Variants in ISM1 observed in about 807,000 individuals in gnomAD.
The protein encoded by ISM1 is isthmin-1.
Under a neutral mutation model 46.3 loss-of-function variants are expected in ISM1, and 25 were observed. The observed-to-expected ratio is 0.54, with a 90% CI of 0.39 to 0.75. The LOEUF is 0.75. ISM1 is among the 30% of genes least tolerant of loss of function. The pLI is 0.00. For synonymous variants in ISM1, 255 were observed against 256.7 expected (o/e 0.99, Z 0.06); for missense variants, 536 against 625.4 (o/e 0.86, Z 1.52).
chr20:13,287,960 T>G (rs2040311533), intron 3 of ISM1, among the ~76,000 whole-genome samples: 1 of 152,206 alleles, frequency 6.6e-6, no homozygotes, highest in Non-Finnish European at 1.5e-5. Context: ...CCACTGGGAA[T>G]GGCTAGAAGG....
At chr20:13,318,157 A>AAATAAATAAATG in the ISM1 span, among the ~76,000 whole-genome samples, 1 of 151,612 alleles carries the variant, frequency 6.6e-6, no homozygotes, top group Non-Finnish European at 1.5e-5. Flanking sequence ...ATAAATAAAT[A>AAATAAATAAATG]AATAAAAATG....
intron 1 of ISM1, among the ~76,000 whole-genome samples, chr20:13,254,761 AC>A (rs1600512339): frequency 6.6e-6 from 1 of 152,344 alleles, no homozygotes; most frequent in East Asian, 1.9e-4. Flanking sequence ...GCCAGGGAGA[AC>A]TTTTCCACCT....
At chr20:13,320,968 G>C in the ISM1 span, among the ~76,000 whole-genome samples, 4 of 152,066 alleles carry the variant, frequency 2.6e-5, no homozygotes, top group African/African-American at 9.7e-5. Context: ...GGAGGCCGAG[G>C]CTGGTGGATC....
At chr20:13,253,433 T>G (rs565998707) in intron 1 of ISM1, among the ~76,000 whole-genome samples, 1 of 152,348 alleles carries the variant, frequency 6.6e-6, no homozygotes, top group Admixed American at 6.5e-5. Flanking sequence ...AAGATAAAAG[T>G]GCACTCTTTG....
the ISM1 span, among the ~76,000 whole-genome samples, chr20:13,313,075 GTTC>G: frequency 2.0e-5 from 3 of 152,134 alleles, no homozygotes; most frequent in African/African-American, 4.8e-5. Context: ...TCACCAGTCA[GTTC>G]TTCTTTGGGC....
chr20:13,270,644 T>A lies in ISM1; in HGVS notation c.279T>A (p.Pro93=), dbSNP rs766693074. 1.4e-5 allele frequency: 22 copies of A among 1,613,866 alleles called. No homozygotes were observed. Among genetic ancestry groups the A allele is most frequent in the Non-Finnish European group, 1.9e-5 (22 of 1,179,888 alleles). The change falls in exon 2 of 6, where the codon CCT becomes CCA. Residue 93 remains proline, a synonymous_variant. Transcript: ENST00000262487. ...RPRFRQETGH[P]SLQRDFPRSF... ...GATTCCGACAAGAGACGGGGCACCC[T>A]TCATTGCAAAGAGATTTCCCCAGAT...
intron 1 of ISM1, among the ~76,000 whole-genome samples, chr20:13,249,825 GTTTTGTTTT>G (rs1024847948): frequency 2.3e-5 from 3 of 131,226 alleles, no homozygotes; most frequent in African/African-American, 6.2e-5. Context: ...GTTTTGTTTT[GTTTTGTTTT>G]GTTTCCTGGC....
At chr20:13,231,657 A>T (rs2039589562) in intron 1 of ISM1, among the ~76,000 whole-genome samples, 1 of 152,332 alleles carries the variant, frequency 6.6e-6, no homozygotes, top group East Asian at 1.9e-4. Context: ...TGACTCATGC[A>T]CATTTTAGTA....
chr20:13,240,707 T>C (rs911997907), intron 1 of ISM1, among the ~76,000 whole-genome samples: 1 of 152,148 alleles, frequency 6.6e-6, no homozygotes, highest in African/African-American at 2.4e-5. Flanking sequence ...AACATAGATA[T>C]GTTAGAAAAT....
At chr20:13,278,202 C>T (rs778057010) in intron 2 of ISM1, among the ~76,000 whole-genome samples, 2 of 152,202 alleles carry the variant, frequency 1.3e-5, no homozygotes, top group East Asian at 1.9e-4. Flanking sequence ...AGTCTCTCTA[C>T]GTTGATTGTC....
chr20:13,286,601 G>A (rs2040295756), intron 3 of ISM1, among the ~76,000 whole-genome samples: 1 of 152,170 alleles, frequency 6.6e-6, no homozygotes, highest in Admixed American at 6.5e-5. Context: ...CAGATAAGAT[G>A]GGAGCAAGCT....
chr20:13,272,859 C>T (rs1171850499), intron 2 of ISM1, among the ~76,000 whole-genome samples: 9 of 152,168 alleles, frequency 5.9e-5, no homozygotes, highest in Non-Finnish European at 1.5e-5. Context: ...GTTCTGGTTC[C>T]AGAATCAGGC....
intron 1 of ISM1, among the ~76,000 whole-genome samples, chr20:13,249,491 G>A (rs73261065): frequency 0.11 from 16,349 of 152,240 alleles, 1,039 homozygotes; most frequent in African/African-American, 0.16. Context: ...CCAGGCAAAA[G>A]CCCAATCGAG....
intron 1 of ISM1, among the ~76,000 whole-genome samples, chr20:13,258,893 A>G (rs2039956446): frequency 1.3e-5 from 2 of 152,240 alleles, no homozygotes; most frequent in African/African-American, 4.8e-5. Context: ...TTGTCAGTGC[A>G]TTAGACCAAC....
At chr20:13,292,759 A>G (rs934120352) in intron 5 of ISM1, among the ~76,000 whole-genome samples, 1 of 152,178 alleles carries the variant, frequency 6.6e-6, no homozygotes, top group African/African-American at 2.4e-5. Flanking sequence ...CAGGGGCTCA[A>G]GTCACATGGA....
chr20:13,295,653 A>G (rs955681961), intron 5 of ISM1, among the ~76,000 whole-genome samples: 3 of 152,236 alleles, frequency 2.0e-5, no homozygotes, highest in Admixed American at 6.5e-5. Context: ...AGAGGAAGGC[A>G]GCAGGACTAG....
At chr20:13,280,391 ACCCCCCC>A (rs33933983) in intron 3 of ISM1, among the ~76,000 whole-genome samples, 1 of 132,004 alleles carries the variant, frequency 7.6e-6, no homozygotes. Flanking sequence ...CTTCAAAGTA[ACCCCCCC>A]CCCCCAATAC....
At chr20:13,324,634 A>G in the ISM1 span, among the ~76,000 whole-genome samples, 4 of 152,198 alleles carry the variant, frequency 2.6e-5, no homozygotes, top group Non-Finnish European at 5.9e-5. Context: ...GAATGGGTAG[A>G]AAGGGCTAGA....
chr20:13,325,714 C>T, the ISM1 span, among the ~76,000 whole-genome samples: 1 of 152,284 alleles, frequency 6.6e-6, no homozygotes, highest in South Asian at 2.1e-4. Context: ...TTCATTCCTT[C>T]CCTTTGATAA....
Sources: gnomAD v4.1 joint callset for allele counts (sites outside exome capture counted in the v4.1 genomes callset) on GRCh38, gnomAD v4.1.1 for gene constraint, MANE v1.5 for transcripts, NCBI Gene and HGNC (gene_info 2026-07-23, HGNC 2026-07-21) for gene names.